RAB3B: variants seen among roughly 807,000 people sequenced by gnomAD.
RAB3B encodes the protein ras-related protein Rab-3B.
Under a neutral mutation model 20.5 loss-of-function variants are expected in RAB3B, and 11 were observed. The observed-to-expected ratio is 0.54, with a 90% CI of 0.34 to 0.89. The LOEUF is 0.89. Ranked by LOEUF, RAB3B falls within the 40% of genes least tolerant of loss-of-function variation. The probability of loss-of-function intolerance (pLI) is 0.02; values close to 1 mark genes in which losing one functional copy is unlikely to be tolerated. For synonymous variants in RAB3B, 99 were observed against 106.3 expected (o/e 0.93, Z 0.42); for missense variants, 225 against 280.9 (o/e 0.80, Z 1.42).
chr1:51,989,101 G>GCACACACACACACACA (rs1553232373), intron 1 of RAB3B, among the ~76,000 whole-genome samples: 42 of 24,046 alleles, frequency 1.7e-3, no homozygotes, highest in African/African-American at 3.3e-3. Context: ...ACCTGTGCGC[G>GCACACACACACACACA]CGCACACACA....
At position 51,912,905 on chromosome 1, in the gene RAB3B, T is replaced by C. The variant is rs900410262; in HGVS notation, c.*7022A>G. 6.6e-6 allele frequency: 1 copy of C among 152,120 alleles called. No homozygotes were observed. The highest frequency in any genetic ancestry group is 1.5e-5 in the Non-Finnish European group (1 of 68,022). 9.4% of individuals were successfully genotyped at this position (152,120 alleles called of 1,614,324 possible). On this transcript the variant is annotated 3_prime_UTR_variant, in exon 5 of 5. Coordinates refer to ENST00000371655, the MANE Select transcript of RAB3B (RefSeq NM_002867.4). ...GGGGGCAGAATCAAGAGTTTCAATT[T>C]GGACATGTTAAGTTTGAGACATGAA...
At chr1:51,946,675 A>C (rs1292013168) in intron 2 of RAB3B, among the ~76,000 whole-genome samples, 3 of 152,220 alleles carry the variant, frequency 2.0e-5, no homozygotes, top group Non-Finnish European at 2.9e-5. Context: ...CTGAACACCC[A>C]CTATGTTCTG....
At chr1:51,949,783 G>T (rs1684612569) in intron 2 of RAB3B, among the ~76,000 whole-genome samples, 1 of 152,222 alleles carries the variant, frequency 6.6e-6, no homozygotes, top group Non-Finnish European at 1.5e-5. Flanking sequence ...TCCGGGACTG[G>T]CTTGGCCCCA....
At chr1:51,989,184 C>CG (rs1245655546) in intron 1 of RAB3B, among the ~76,000 whole-genome samples, 4 of 134,178 alleles carry the variant, frequency 3.0e-5, no homozygotes, top group Non-Finnish European at 6.3e-5. Flanking sequence ...TCCAGGAAGC[C>CG]GGGGGAAGAG....
At chr1:51,927,674 G>A (rs1571957974) in intron 4 of RAB3B, among the ~76,000 whole-genome samples, 1 of 152,198 alleles carries the variant, frequency 6.6e-6, no homozygotes, top group African/African-American at 2.4e-5. Context: ...GTGCATGCCT[G>A]TAATCCCAGC....
chr1:51,973,658 T>G (rs747939066), intron 2 of RAB3B: 18 of 152,230 alleles, frequency 1.2e-4, no homozygotes, highest in Non-Finnish European at 2.4e-4. Flanking sequence ...AATCAGAGGT[T>G]TCTTTATAGG....
At position 51,920,210 on chromosome 1, in the gene RAB3B, A is replaced by G. The variant is rs1684154021; in HGVS notation, c.473-96T>C. The G allele has an allele frequency of 2.8e-6, 3 of 1,070,444 alleles. No homozygotes were observed. In the South Asian group the frequency reaches 5.4e-5, roughly 19 times the overall value. The allele number at this position is 1,070,444 out of a possible 1,614,324, so 66.3% of individuals were successfully genotyped here. A position where few individuals can be genotyped will look rare whatever the true frequency, so the allele number is the denominator to read the frequency against. On this transcript the variant is annotated intron_variant, in intron 4 of 4. Transcript: ENST00000371655. ...CCAAGCACTCTGGATTAATATGTCC[A>G]GTGCTCAGCAGTGAAGCAAAGAGGC... is the stretch of plus-strand genomic sequence containing the variant.
At chr1:51,988,325 T>C (rs1571984382) in intron 1 of RAB3B, among the ~76,000 whole-genome samples, 2 of 152,300 alleles carry the variant, frequency 1.3e-5, no homozygotes, top group South Asian at 4.2e-4. Context: ...CACCTTCTCA[T>C]TGTTTTCCCA....
At chr1:51,952,897 T>A (rs1221965042) in intron 2 of RAB3B, among the ~76,000 whole-genome samples, 1 of 152,092 alleles carries the variant, frequency 6.6e-6, no homozygotes, top group East Asian at 1.9e-4. Flanking sequence ...TCCTGCTGTG[T>A]CTCCTACACT....
intron 3 of RAB3B, among the ~76,000 whole-genome samples, chr1:51,935,749 G>A (rs1050654064): frequency 2.0e-5 from 3 of 152,068 alleles, no homozygotes; most frequent in Admixed American, 2.0e-4. Context: ...AGCAGGGAGA[G>A]GGGAGGAAGG....
rs1309318123 is a variant in RAB3B at position 51,910,438 on chromosome 1, T to A, written c.*9489A>T. On this transcript the variant is annotated 3_prime_UTR_variant, in exon 5 of 5. Transcript: ENST00000371655. ...TCTCAACAAGTGTCAGAGATTCTTG[T>A]TTCTCTTCCTCTTGTTACTCTTTAG... 1 of 152,152 alleles carries A rather than the reference T, an allele frequency of 6.6e-6. No homozygotes were observed. Among genetic ancestry groups the A allele is most frequent in the Non-Finnish European group, 1.5e-5 (1 of 68,030 alleles). The allele number at this position is 152,152 out of a possible 1,614,324, so 9.4% of individuals were successfully genotyped here.
At position 51,915,378 on chromosome 1, in the gene RAB3B, A is replaced by C. The variant is rs1004147849; in HGVS notation, c.*4549T>G. 6.6e-6 allele frequency: 1 copy of C among 152,136 alleles called. No individual in the cohort carries two copies. The highest frequency in any genetic ancestry group is 2.4e-5 in the African/African-American group (1 of 41,426). 9.4% of individuals were successfully genotyped at this position (152,136 alleles called of 1,614,324 possible). A position where few individuals can be genotyped will look rare whatever the true frequency, so the allele number is the denominator to read the frequency against. ...GCTCCATCACTGTGATACTCTCAGA[A>C]TAATTAGGAGATTTCCTTCCATTCT... On this transcript the variant is annotated 3_prime_UTR_variant, in exon 5 of 5. Transcript: ENST00000371655.
chr1:51,933,630 A>G (rs976759439), intron 3 of RAB3B, among the ~76,000 whole-genome samples, 188 bp from the exon 4 acceptor site: 3 of 152,140 alleles, frequency 2.0e-5, no homozygotes, highest in Admixed American at 6.5e-5. Flanking sequence ...GAAGAGAAAG[A>G]GGCTAGAGCC....
At chr1:51,974,951 C>A (rs963796574) in intron 2 of RAB3B, among the ~76,000 whole-genome samples, 1 of 152,218 alleles carries the variant, frequency 6.6e-6, no homozygotes, top group Admixed American at 6.5e-5. Context: ...TGGTGGCTCA[C>A]GCCTGTAATC....
At chr1:51,937,609 T>C (rs1396323302) in intron 2 of RAB3B, among the ~76,000 whole-genome samples, 197 bp from the exon 3 acceptor site, 1 of 152,076 alleles carries the variant, frequency 6.6e-6, no homozygotes, top group Non-Finnish European at 1.5e-5. Context: ...GTGATTCTCC[T>C]GCCTCAGCTT....
chr1:51,934,614 TA>T (rs879317393), intron 3 of RAB3B, among the ~76,000 whole-genome samples: 110 of 144,540 alleles, frequency 7.6e-4, no homozygotes, highest in African/African-American at 1.1e-3. Flanking sequence ...CACTAAAAAT[TA>T]AAAAAAAAAA....
intron 2 of RAB3B, among the ~76,000 whole-genome samples, chr1:51,959,646 C>G (rs1403888189): frequency 1.3e-5 from 2 of 151,956 alleles, no homozygotes; most frequent in East Asian, 3.9e-4. Context: ...GGAGACACGA[C>G]AATTCAGATC....
intron 2 of RAB3B, among the ~76,000 whole-genome samples, chr1:51,943,146 G>A (rs1684517078): frequency 6.6e-6 from 1 of 152,122 alleles, no homozygotes; most frequent in African/African-American, 2.4e-5. Context: ...CACTTTGGGA[G>A]GCCGAGGCAG....
intron 2 of RAB3B, among the ~76,000 whole-genome samples, chr1:51,960,058 A>C (rs1684765489): frequency 6.6e-6 from 1 of 152,000 alleles, no homozygotes; most frequent in East Asian, 1.9e-4. Context: ...TAGGCACTGG[A>C]GTGACAGCGA....
Sources: gnomAD v4.1 joint callset for allele counts (sites outside exome capture counted in the v4.1 genomes callset) on GRCh38, gnomAD v4.1.1 for gene constraint, MANE v1.5 for transcripts, NCBI Gene and HGNC (gene_info 2026-07-23, HGNC 2026-07-21) for gene names.